Variants in C14orf39 observed in about 807,000 individuals in gnomAD.
The protein encoded by C14orf39 is chromosome 14 open reading frame 39.
Under a neutral mutation model 85.6 loss-of-function variants are expected in C14orf39, and 66 were observed. That is an observed-to-expected ratio of 0.77 (90% CI 0.63 to 0.95). The LOEUF is 0.95. Among genes scored for constraint, C14orf39 ranks in the 40% least tolerant of loss-of-function variants. The pLI, the probability that C14orf39 is intolerant of heterozygous loss-of-function variation, is 0.00. For missense variants in C14orf39, 735 were observed against 663.9 expected (o/e 1.11, Z -1.18); for synonymous variants, 242 against 214.0 (o/e 1.13, Z -1.14).
At position 60,436,483 on chromosome 14, in the gene C14orf39, T is replaced by C. The variant is rs1890254572; in HGVS notation, c.*362A>G. ...ACTAACTCTGGAGTTACTACTGCAG[T>C]TCTTGTTCTTATCAAAGTACCAACA... On this transcript the variant is annotated 3_prime_UTR_variant, in exon 18 of 18. Transcript: ENST00000321731. 1 of 172,240 alleles carries C rather than the reference T, an allele frequency of 5.8e-6. No individual in the cohort carries two copies. The highest frequency in any genetic ancestry group is 2.4e-5 in the African/African-American group (1 of 41,554). The allele number at this position is 172,240 out of a possible 1,614,324, so 10.7% of individuals were successfully genotyped here. A position where few individuals can be genotyped will look rare whatever the true frequency, so the allele number is the denominator to read the frequency against.
chr14:60,444,088 G>T (rs943421653), intron 16 of C14orf39, among the ~76,000 whole-genome samples: 2 of 152,158 alleles, frequency 1.3e-5, no homozygotes, highest in East Asian at 3.9e-4. Flanking sequence ...ACAAAGATGG[G>T]GAGAAACCAG....
intron 5 of C14orf39, among the ~76,000 whole-genome samples, chr14:60,473,853 T>C (rs550925259): frequency 2.6e-5 from 4 of 152,180 alleles, no homozygotes; most frequent in Non-Finnish European, 4.4e-5. Flanking sequence ...TCCAGCTTTG[T>C]TCTTTTGGCT....
intron 1 of C14orf39, among the ~76,000 whole-genome samples, chr14:60,506,112 G>A (rs1421154311): frequency 6.6e-6 from 1 of 152,086 alleles, no homozygotes; most frequent in Non-Finnish European, 1.5e-5. Context: ...CTGAGTAGAC[G>A]TCTATGGATT....
intron 1 of C14orf39, chr14:60,509,911 G>A: frequency 6.2e-7 from 1 of 1,612,236 alleles, no homozygotes; most frequent in Non-Finnish European, 8.5e-7. Context: ...CCCCTACGCA[G>A]GTGGGCAACT....
intron 1 of C14orf39, among the ~76,000 whole-genome samples, chr14:60,510,527 CT>C (rs1328911158): frequency 1.3e-5 from 2 of 152,226 alleles, no homozygotes; most frequent in Non-Finnish European, 2.9e-5. Context: ...TGGGCCGAGG[CT>C]TTTCGTTTCC....
chr14:60,511,008 ACG>A, intron 1 of C14orf39: 1 of 1,463,372 alleles, frequency 6.8e-7, no homozygotes, highest in Non-Finnish European at 9.4e-7. Context: ...GGCTGGAGGG[ACG>A]CAGGAGGTGG....
intron 5 of C14orf39, among the ~76,000 whole-genome samples, chr14:60,472,540 A>C (rs1227494755): frequency 1.3e-5 from 2 of 152,024 alleles, no homozygotes; most frequent in African/African-American, 2.4e-5. Flanking sequence ...TCCTAATGCT[A>C]TCTCTCCCTC....
intron 1 of C14orf39, among the ~76,000 whole-genome samples, chr14:60,507,099 G>C (rs1388642489): frequency 6.6e-6 from 1 of 152,150 alleles, no homozygotes; most frequent in Non-Finnish European, 1.5e-5. Flanking sequence ...CGGGCTGTAA[G>C]GTCTCCGCGG....
At chr14:60,464,781 C>G (rs978052891) in intron 11 of C14orf39, among the ~76,000 whole-genome samples, 1 of 151,916 alleles carries the variant, frequency 6.6e-6, no homozygotes, top group Non-Finnish European at 1.5e-5. Flanking sequence ...GTTTATATAT[C>G]CCATAGAAGT....
At chr14:60,494,857 G>C (rs574471866) in intron 2 of C14orf39, 1 of 153,508 alleles carries the variant, frequency 6.5e-6, no homozygotes, top group Non-Finnish European at 1.4e-5. Flanking sequence ...GGAGCTACTG[G>C]GAGCATCTTG....
At chr14:60,444,640 A>T (rs1890676779) in intron 16 of C14orf39, among the ~76,000 whole-genome samples, 1 of 152,244 alleles carries the variant, frequency 6.6e-6, no homozygotes, top group African/African-American at 2.4e-5. Context: ...GATATTATCC[A>T]GGAGAACTTC....
At chr14:60,469,984 T>A (rs1314905146) in intron 7 of C14orf39, among the ~76,000 whole-genome samples, 1 of 143,562 alleles carries the variant, frequency 7.0e-6, no homozygotes, top group Non-Finnish European at 1.5e-5. Flanking sequence ...TCACTTGGCA[T>A]AACTAATAAA....
intron 4 of C14orf39, among the ~76,000 whole-genome samples, chr14:60,480,298 T>C (rs370026761): frequency 5.3e-5 from 8 of 152,260 alleles, no homozygotes; most frequent in African/African-American, 1.7e-4. Context: ...GGTGCATGCC[T>C]GTAATCCCAG....
intron 7 of C14orf39, among the ~76,000 whole-genome samples, chr14:60,471,001 A>T (rs768592420): frequency 2.0e-5 from 3 of 151,966 alleles, no homozygotes; most frequent in Non-Finnish European, 2.9e-5. Flanking sequence ...AGCTCCTTGG[A>T]AGAGAGCTCT....
In C14orf39 at chr14:60,437,133, A is replaced by G. The variant is rs549744152; in HGVS notation, c.1562-86T>C. The G allele has an allele frequency of 6.2e-5, 52 of 840,778 alleles. No individual in the cohort carries two copies. In the South Asian group the frequency reaches 8.9e-4, roughly 14 times the overall value. 52.1% of individuals were successfully genotyped at this position (840,778 alleles called of 1,614,324 possible). ...ACTGAATTATAGCATACTGCATACA[A>G]TAAATATGGTAACACTGAATCAGTG... is the stretch of plus-strand genomic sequence containing the variant. On this transcript the variant is annotated intron_variant, in intron 17 of 17. Transcript: ENST00000321731.
intron 16 of C14orf39, among the ~76,000 whole-genome samples, chr14:60,447,936 A>G (rs1447475409): frequency 6.6e-6 from 1 of 152,220 alleles, no homozygotes; most frequent in Admixed American, 6.5e-5. Context: ...AAAAACAGCA[A>G]CGGGGAAAGG....
intron 2 of C14orf39, among the ~76,000 whole-genome samples, chr14:60,497,787 C>T (rs1893089944): frequency 6.6e-6 from 1 of 151,886 alleles, no homozygotes; most frequent in East Asian, 1.9e-4. Context: ...GAGGCTGAGG[C>T]AGGAGAATCG....
chr14:60,487,966 T>A (rs956524121), upstream of C14orf39, among the ~76,000 whole-genome samples: 1 of 152,214 alleles, frequency 6.6e-6, no homozygotes, highest in Non-Finnish European at 1.5e-5. Flanking sequence ...TCAGATTGTT[T>A]GTTTTCTTGC....
At chr14:60,477,411 A>C (rs1178954633) in intron 5 of C14orf39, among the ~76,000 whole-genome samples, 3 of 152,342 alleles carry the variant, frequency 2.0e-5, no homozygotes, top group Non-Finnish European at 4.4e-5. Flanking sequence ...TATATTAAAA[A>C]TAAAAACATT....
Sources: allele counts gnomAD v4.1 joint callset (sites outside exome capture counted in the v4.1 genomes callset), GRCh38; gene constraint gnomAD v4.1.1; transcripts MANE v1.5; gene names NCBI Gene and HGNC (gene_info 2026-07-23, HGNC 2026-07-21).